The following WDFY4 variants were observed in gnomAD, a reference collection of about 807,000 sequenced individuals.
WDFY4 encodes WDFY family member 4, also known as WD repeat- and FYVE domain-containing protein 4.
Under a neutral mutation model 351.9 loss-of-function variants are expected in WDFY4, and 169 were observed. The ratio of observed to expected loss-of-function variants is 0.48; its 90% CI spans 0.42 to 0.55. WDFY4 has a LOEUF of 0.55. Among genes scored for constraint, WDFY4 ranks in the 20% least tolerant of loss-of-function variants. The pLI, the probability that WDFY4 is intolerant of heterozygous loss-of-function variation, is 0.00. For missense variants in WDFY4, 3,803 were observed against 3,935.6 expected (o/e 0.97, Z 0.90); for synonymous variants, 1,622 against 1,574.6 (o/e 1.03, Z -0.71).
chr10:48,802,032 C>G (rs1188539303), intron 24 of WDFY4, among the ~76,000 whole-genome samples: 1 of 151,878 alleles, frequency 6.6e-6, no homozygotes, highest in Non-Finnish European at 1.5e-5. Flanking sequence ...AAGTCTGGTG[C>G]CAGAAAAGTT....
At chr10:48,779,184 A>T (rs756195831) in intron 18 of WDFY4, among the ~76,000 whole-genome samples, 1 of 152,234 alleles carries the variant, frequency 6.6e-6, no homozygotes, top group Non-Finnish European at 1.5e-5. Context: ...CTCCTGAGTG[A>T]GGTTTGTGAA....
chr10:48,898,772 T>C (rs1837214544), intron 45 of WDFY4, among the ~76,000 whole-genome samples: 1 of 152,166 alleles, frequency 6.6e-6, no homozygotes, highest in South Asian at 2.1e-4. Flanking sequence ...CTGAGGGCCT[T>C]TGCAGGGTGA....
Position 48,814,013 on chromosome 10 carries a change from C to T in WDFY4, c.5271C>T (p.Val1757=), listed in dbSNP as rs1363627035. 1.3e-6 allele frequency: 2 copies of T among 1,550,880 alleles called. No homozygotes were observed. The highest frequency in any genetic ancestry group is 2.4e-5 in the South Asian group (2 of 84,002). The change falls in exon 31 of 62, where the codon GTC becomes GTT. Residue 1757 remains valine (V), a synonymous_variant. Coordinates refer to ENST00000325239, the MANE Select transcript of WDFY4 (RefSeq NM_001394531.1). ...TGCAGAGGCACCACCAGGAAGAAGT[C>T]CTCCAGGCTGGGCTGTGCACAGAAG... The part of the protein sequence containing the change: ...WLLQRHHQEE[V]LQAGLCTEGA...
At chr10:48,962,967 T>A (rs1313306211) in intron 53 of WDFY4, among the ~76,000 whole-genome samples, 2 of 152,206 alleles carry the variant, frequency 1.3e-5, no homozygotes, top group Non-Finnish European at 2.9e-5. Context: ...GCAGGTTCTA[T>A]CATTTCTGTG....
At chr10:48,777,393 G>T (rs1232027870) in intron 16 of WDFY4, 26 bp from the exon 17 acceptor site, 15 of 1,549,106 alleles carry the variant, frequency 9.7e-6, no homozygotes, top group Non-Finnish European at 1.2e-5. Flanking sequence ...GCAGTCCAAT[G>T]ATCTGAGACA....
intron 44 of WDFY4, 23 bp downstream of exon 44, chr10:48,890,750 C>G (rs148741955): frequency 1.3e-6 from 2 of 1,551,176 alleles, no homozygotes; most frequent in Admixed American, 2.0e-5. Context: ...CTTCTCCCAG[C>G]AGATTCTTCC....
intron 47 of WDFY4, among the ~76,000 whole-genome samples, chr10:48,937,947 C>A (rs375391219): frequency 5.3e-5 from 8 of 152,276 alleles, no homozygotes; most frequent in African/African-American, 1.9e-4. Context: ...CTGCCCCCAG[C>A]ATCTCCCCAG....
intron 57 of WDFY4, among the ~76,000 whole-genome samples, chr10:48,974,327 A>AC (rs1477620807): frequency 1.3e-5 from 2 of 151,746 alleles, no homozygotes; most frequent in Non-Finnish European, 2.9e-5. Flanking sequence ...ACTTGGTGAA[A>AC]CCCCATCTCC....
At chr10:48,686,083 G>A (rs2063038597) in intron 1 of WDFY4, among the ~76,000 whole-genome samples, 1 of 152,130 alleles carries the variant, frequency 6.6e-6, no homozygotes, top group African/African-American at 2.4e-5. Flanking sequence ...TCTGGCCAGA[G>A]AGGTAGGGAA....
rs377717473 is a variant in WDFY4, at chr10:48,780,105, A to G, written c.3562A>G (p.Ile1188Val). ...TTCCACCTGTCTGGATGGACAGGTC[A>G]TTGGCTCTGCCAAGGTGAGATGGCT... ...TVSTCLDGQVIGSAKMLYIQA... is the reference protein window; with the variant it reads ...TVSTCLDGQVVGSAKMLYIQA... The change falls in exon 19 of 62, where the codon ATT (isoleucine) becomes GTT (valine). Residue 1188 changes from isoleucine (I) to valine (V), a missense_variant. Physicochemically the swap from Ile to Val is conservative, Grantham distance 29 (BLOSUM62 3). Around this residue, in one of 3 missense-constraint regions of WDFY4, gnomAD observed 3,054 missense variants for 3,148.6 expected, o/e 0.97. Coordinates refer to ENST00000325239, the MANE Select transcript of WDFY4 (RefSeq NM_001394531.1). 6 of 1,551,900 alleles carry G rather than the reference A, an allele frequency of 3.9e-6. No individual in the cohort carries two copies. Among genetic ancestry groups the G allele is most frequent in the Non-Finnish European group, 5.2e-6 (6 of 1,147,048 alleles).
intron 47 of WDFY4, among the ~76,000 whole-genome samples, chr10:48,936,789 G>C (rs1441967359): frequency 1.4e-5 from 2 of 146,254 alleles, no homozygotes; most frequent in Non-Finnish European, 3.0e-5. Flanking sequence ...AGTGAGCCGA[G>C]ATCGCGCCAC....
At chr10:48,779,342 G>A (rs1020349311) in intron 18 of WDFY4, among the ~76,000 whole-genome samples, 3 of 152,260 alleles carry the variant, frequency 2.0e-5, no homozygotes, top group African/African-American at 7.2e-5. Flanking sequence ...GCCAGCCCTG[G>A]CTCTGCCCTT....
At chr10:48,900,678 T>C (rs572694308) in intron 46 of WDFY4, among the ~76,000 whole-genome samples, 19 of 152,374 alleles carry the variant, frequency 1.2e-4, no homozygotes, top group African/African-American at 4.6e-4. Flanking sequence ...TTTGGCTTAA[T>C]CTTTCTTTCT....
chr10:48,733,025 A>C (rs1343720551), intron 9 of WDFY4, among the ~76,000 whole-genome samples: 1 of 152,240 alleles, frequency 6.6e-6, no homozygotes, highest in African/African-American at 2.4e-5. Context: ...GAATGAAATT[A>C]ATGTATTGCT....
At chr10:48,841,494 T>C (rs559717334) in intron 39 of WDFY4, among the ~76,000 whole-genome samples, 14 of 152,318 alleles carry the variant, frequency 9.2e-5, no homozygotes, top group Non-Finnish European at 1.8e-4. Flanking sequence ...TTCTAATGTA[T>C]GTTTTCTGTC....
chr10:48,740,032 T>G (rs2064802655), intron 11 of WDFY4, among the ~76,000 whole-genome samples: 1 of 152,166 alleles, frequency 6.6e-6, no homozygotes, highest in African/African-American at 2.4e-5. Flanking sequence ...TTTTAATCAT[T>G]CTCCCTTCCT....
At chr10:48,801,950 G>A (rs1029344521) in intron 24 of WDFY4, among the ~76,000 whole-genome samples, 5 of 152,106 alleles carry the variant, frequency 3.3e-5, no homozygotes, top group Admixed American at 1.3e-4. Context: ...TGGGTACCCA[G>A]TGTGGGGCAA....
chr10:48,765,319 A>T (rs778473320), intron 13 of WDFY4, among the ~76,000 whole-genome samples: 1 of 152,246 alleles, frequency 6.6e-6, no homozygotes, highest in African/African-American at 2.4e-5. Context: ...GTCAAGTCTC[A>T]GCTGGGTCAC....
rs1028416897 is a variant in WDFY4, at chr10:48,832,430, G to A, written c.6527-143G>A. The A allele has an allele frequency of 1.1e-5, 11 of 998,812 alleles. No homozygotes were observed. In the African/African-American group the frequency reaches 1.8e-4, roughly 17 times the overall value. The allele number at this position is 998,812 out of a possible 1,614,324, so 61.9% of individuals were successfully genotyped here. A position where few individuals can be genotyped will look rare whatever the true frequency, so the allele number is the denominator to read the frequency against. On this transcript the variant is annotated intron_variant, in intron 38 of 61. Transcript: ENST00000325239. ...GGAAGGTCAGAAGACGGCAGTGTGAGCTTGTAGCCTGGGTTGTTTCTCTTT... is the reference window on the plus strand; with the variant it reads ...GGAAGGTCAGAAGACGGCAGTGTGAACTTGTAGCCTGGGTTGTTTCTCTTT...
Sources: gnomAD v4.1 joint callset for allele counts (sites outside exome capture counted in the v4.1 genomes callset) on GRCh38, gnomAD v4.1.1 for gene constraint, gnomAD v4.1.1 regional missense constraint, MANE v1.5 for transcripts, NCBI Gene and HGNC (gene_info 2026-07-23, HGNC 2026-07-21) for gene names.